AQR: variants seen among roughly 807,000 people sequenced by gnomAD.
AQR encodes aquarius intron-binding spliceosomal factor.
A neutral mutation model predicts 180.5 loss-of-function variants in AQR; 61 were observed. The observed-to-expected ratio is 0.34, with a 90% confidence interval of 0.28 to 0.42. The LOEUF (loss-of-function observed/expected upper bound fraction) is 0.42, where lower values mean the gene tolerates loss of function less well. Ranked by LOEUF, AQR falls within the 10% of genes least tolerant of loss-of-function variation. The pLI is 1.00. For missense variants in AQR, 1,281 were observed against 1,798.3 expected, an observed-to-expected ratio of 0.71 and a Z score of 5.20; for synonymous variants, 551 against 588.8, an observed-to-expected ratio of 0.94 and a Z score of 0.93.
chr15:34,952,894 A>C lies in AQR; in HGVS notation c.200T>G (p.Leu67Trp). 1 of 1,468,546 alleles carries C rather than the reference A, an allele frequency of 6.8e-7. No homozygotes were observed. The highest frequency in any genetic ancestry group is 9.4e-7 in the Non-Finnish European group (1 of 1,067,766). The allele number at this position is 1,468,546 out of a possible 1,614,324, so 91.0% of individuals were successfully genotyped here. A position where few individuals can be genotyped will look rare whatever the true frequency, so the allele number is the denominator to read the frequency against. Reference sequence around the variant, plus strand: ...ATGCCTTATAACTTACCTAAATTCCAAGAGCATTATCTTTCTAATAGCAAA... The same window carrying C: ...ATGCCTTATAACTTACCTAAATTCCCAGAGCATTATCTTTCTAATAGCAAA... ...SRFAIRKIML[L>W]EFSQYLENYL... is the part of the protein sequence containing the mutation. Residue 67 changes from leucine to tryptophan, a missense_variant, in exon 4 of 35, where the codon TTG (leucine) becomes TGG (tryptophan). Physicochemically the swap from Leu to Trp is moderately conservative, Grantham distance 61. Coordinates refer to ENST00000156471, the MANE Select transcript of AQR (RefSeq NM_014691.3).
intron 10 of AQR, among the ~76,000 whole-genome samples, chr15:34,933,526 C>T (rs1263205683): frequency 6.6e-6 from 1 of 151,496 alleles, no homozygotes; most frequent in East Asian, 1.9e-4. Context: ...TCTTCACAAA[C>T]ATTGGGCACA....
At chr15:34,880,887 G>T (rs1449522655) in intron 27 of AQR, among the ~76,000 whole-genome samples, 1 of 152,102 alleles carries the variant, frequency 6.6e-6, no homozygotes, top group African/African-American at 2.4e-5. Flanking sequence ...AGCAGAGTGG[G>T]GGACTGCCTT....
rs528490510 is a variant in AQR, at chr15:34,926,825, G to A, written c.1118+210C>T. On this transcript the variant is annotated intron_variant, in intron 13 of 34. Transcript: ENST00000156471. ...TTTCAGATCGAAGAAAATTGTATAC[G>A]TCATAAAAAACAGAAACTTTACCAA... is the stretch of plus-strand genomic sequence containing the variant. Among the ~76,000 whole-genome samples the A allele has an allele frequency of 1.3e-4, 20 of 152,094 alleles. No individual in the cohort carries two copies. In the East Asian group the frequency reaches 2.9e-3, roughly 22 times the overall value.
Position 34,900,605 on chromosome 15 carries a change from C to A in AQR, c.2243+17G>T, listed in dbSNP as rs775100818. On this transcript the variant is annotated intron_variant, in intron 20 of 34. Coordinates refer to ENST00000156471, the MANE Select transcript of AQR (RefSeq NM_014691.3). ...CTACAGAATGCTGGAGAGGAGCGTA[C>A]CCAGTTCTGACTTTACCTGAAAGGG... 2 of 1,610,282 alleles carry A rather than the reference C, an allele frequency of 1.2e-6. No homozygotes were observed. The highest frequency in any genetic ancestry group is 1.7e-6 in the Non-Finnish European group (2 of 1,177,800).
intron 3 of AQR, among the ~76,000 whole-genome samples, chr15:34,956,401 A>G (rs1470035927): frequency 1.3e-5 from 2 of 152,286 alleles, no homozygotes; most frequent in South Asian, 2.1e-4. Context: ...CTGTAATCCC[A>G]GCACTTTGGG....
intron 17 of AQR, among the ~76,000 whole-genome samples, chr15:34,908,706 G>A (rs915163214): frequency 6.6e-6 from 1 of 152,184 alleles, no homozygotes; most frequent in Non-Finnish European, 1.5e-5. Flanking sequence ...CCTTCTGAAA[G>A]CAGTCAGTAA....
At chr15:34,917,588 G>A (rs1893614068) in intron 15 of AQR, among the ~76,000 whole-genome samples, 1 of 151,896 alleles carries the variant, frequency 6.6e-6, no homozygotes, top group Admixed American at 6.6e-5. Context: ...ATTCAAAAGA[G>A]CCCCTAAGAA....
At chr15:34,877,931 TTAATGGATTA>T (rs1429380726) in intron 27 of AQR, among the ~76,000 whole-genome samples, 3 of 152,190 alleles carry the variant, frequency 2.0e-5, no homozygotes, top group Non-Finnish European at 2.9e-5. Context: ...CCACGGTTCT[TTAATGGATTA>T]TAGCTGCTAG....
At chr15:34,864,993 C>G (rs1174442553) in intron 32 of AQR, among the ~76,000 whole-genome samples, 1 of 152,082 alleles carries the variant, frequency 6.6e-6, no homozygotes, top group African/African-American at 2.4e-5. Flanking sequence ...ATGGATGGAT[C>G]TGAAAATGTT....
In AQR at chr15:34,938,806, G is replaced by A. The variant is rs1893981172; in HGVS notation, c.649C>T (p.Gln217Ter). The change falls in exon 9 of 35, where the codon CAA becomes TAA. Residue 217 changes from glutamine to a stop codon, truncating the protein, a stop_gained. Coordinates refer to ENST00000156471, the MANE Select transcript of AQR (RefSeq NM_014691.3). LOFTEE classifies it high-confidence loss of function. ...MDPEAREQAYQERRFLSQLIQ... is the reference protein window; with the variant it reads ...MDPEAREQAY The stretch of plus-strand genomic sequence containing the variant: ...AGTTGTGAAAGAAATCTCCTCTCTT[G>A]ATATGCCCTAAAATCAGAAAGAACA... 1 of 1,606,030 alleles carries A rather than the reference G, an allele frequency of 6.2e-7. No individual in the cohort carries two copies. The highest frequency in any genetic ancestry group is 1.3e-5 in the African/African-American group (1 of 74,708).
At chr15:34,902,859 C>T (rs957458234) in intron 19 of AQR, among the ~76,000 whole-genome samples, 2 of 152,064 alleles carry the variant, frequency 1.3e-5, no homozygotes, top group African/African-American at 4.8e-5. Flanking sequence ...GTTCTAGGTG[C>T]TAAGGATACA....
chr15:34,898,899 G>A (rs1473338481), intron 20 of AQR, among the ~76,000 whole-genome samples: 1 of 142,954 alleles, frequency 7.0e-6, no homozygotes, highest in Non-Finnish European at 1.5e-5. Context: ...CGGGCGCGGT[G>A]GCTCACGCCT....
At chr15:34,887,767 A>AT (rs1893084495) in intron 24 of AQR, among the ~76,000 whole-genome samples, 1 of 152,244 alleles carries the variant, frequency 6.6e-6, no homozygotes, top group South Asian at 2.1e-4. Flanking sequence ...TAGTTCAGAG[A>AT]TTCACATTTG....
chr15:34,946,046 G>A (rs1171070181), intron 5 of AQR, among the ~76,000 whole-genome samples: 3 of 152,170 alleles, frequency 2.0e-5, no homozygotes, highest in African/African-American at 7.2e-5. Flanking sequence ...CGAGGCGGGT[G>A]GATCATCTAA....
intron 27 of AQR, among the ~76,000 whole-genome samples, chr15:34,881,436 C>T (rs1046981122): frequency 2.0e-5 from 3 of 152,128 alleles, no homozygotes; most frequent in African/African-American, 7.2e-5. Flanking sequence ...TTAATTCAAA[C>T]CCATATACAG....
At chr15:34,879,137 C>A (rs932258751) in intron 27 of AQR, among the ~76,000 whole-genome samples, 19 of 152,088 alleles carry the variant, frequency 1.2e-4, no homozygotes, top group African/African-American at 4.3e-4. Context: ...TCTGGAAACC[C>A]CCTAAAATAA....
At chr15:34,958,652 C>A (rs1894366293) in intron 3 of AQR, among the ~76,000 whole-genome samples, 1 of 152,124 alleles carries the variant, frequency 6.6e-6, no homozygotes, top group Non-Finnish European at 1.5e-5. Context: ...ATATTAATAG[C>A]AAGGGTTTAA....
At chr15:34,883,509 CATTT>C (rs1271926042) in intron 26 of AQR, among the ~76,000 whole-genome samples, 3 of 152,084 alleles carry the variant, frequency 2.0e-5, no homozygotes, top group African/African-American at 7.2e-5. Flanking sequence ...AAACATAATA[CATTT>C]ATTATTCTGT....
Position 34,969,656 on chromosome 15 carries a change from C to T in AQR, c.-43G>A. 1.3e-6 allele frequency: 2 copies of T among 1,597,260 alleles called. No individual in the cohort carries two copies. Among genetic ancestry groups the T allele is most frequent in the Non-Finnish European group, 1.7e-6 (2 of 1,173,282 alleles). On this transcript the variant is annotated 5_prime_UTR_variant, in exon 1 of 35. Transcript: ENST00000156471. ...CACTCCAGTGGAAACTAAAGGACCGCTCTGGGCAGCGGCAACCCTGGTCCA... is the reference window on the plus strand; with the variant it reads ...CACTCCAGTGGAAACTAAAGGACCGTTCTGGGCAGCGGCAACCCTGGTCCA...
Sources: allele counts gnomAD v4.1 joint callset (sites outside exome capture counted in the v4.1 genomes callset), GRCh38; gene constraint gnomAD v4.1.1; transcripts MANE v1.5; gene names NCBI Gene and HGNC (gene_info 2026-07-23, HGNC 2026-07-21).